The following SGCZ variants were observed in gnomAD, a reference collection of about 807,000 sequenced individuals.
SGCZ encodes the protein zeta-sarcoglycan.
SGCZ carries 40 observed loss-of-function variants against 41.3 expected under a neutral mutation model. That is an observed-to-expected ratio of 0.97 (90% CI 0.75 to 1.26). The LOEUF (loss-of-function observed/expected upper bound fraction) is 1.26. Among genes scored for constraint, SGCZ ranks in the 50% most tolerant of loss-of-function variants. SGCZ has a pLI of 0.00. For missense variants in SGCZ, 552 were observed against 369.8 expected (o/e 1.49, Z -4.04); for synonymous variants, 206 against 137.5 (o/e 1.50, Z -3.49).
intron 1 of SGCZ, among the ~76,000 whole-genome samples, chr8:15,112,559 AAAAGT>A (rs1807108746): frequency 6.6e-6 from 1 of 152,210 alleles, no homozygotes; most frequent in Non-Finnish European, 1.5e-5. Flanking sequence ...AAATAAGTGG[AAAAGT>A]AATGTGTCCG....
At position 14,574,468 on chromosome 8, in the gene SGCZ, A is replaced by G. The variant is rs1029347275; in HGVS notation, c.40-19542T>C. 3.3e-5 allele frequency among the ~76,000 whole-genome samples: 5 copies of G among 152,300 alleles called. No individual in the cohort carries two copies. In the East Asian group the frequency reaches 5.8e-4, roughly 18 times the overall value. On this transcript the variant is annotated intron_variant, in intron 1 of 7. Transcript: ENST00000382080. ...AAATAAATAAAGACCCTCATTCCAG[A>G]GGGATCCTGCCATGTACCAGGGAAG...
In SGCZ at chr8:14,562,570, A is replaced by G. The variant is rs184502400; in HGVS notation, c.40-7644T>C. Among the ~76,000 whole-genome samples, 270 of 152,292 alleles carry G rather than the reference A, an allele frequency of 1.8e-3. 1 individual carries two copies. Among genetic ancestry groups the G allele is most frequent in the African/African-American group, 6.3e-3 (260 of 41,572 alleles). On this transcript the variant is annotated intron_variant, in intron 1 of 7. Coordinates refer to ENST00000382080, the MANE Select transcript of SGCZ (RefSeq NM_139167.4). ...TAGAAAGAGAATATCTTTCAGAGCA[A>G]GTGACACCTGAGATGAGACTAAAAT... is the stretch of plus-strand genomic sequence containing the variant.
chr8:15,211,958 A>G (rs1801249385), intron 1 of SGCZ, among the ~76,000 whole-genome samples: 1 of 152,168 alleles, frequency 6.6e-6, no homozygotes, highest in African/African-American at 2.4e-5. Context: ...ATACTGAACA[A>G]AAGTCAGACT....
At chr8:14,202,199 C>T (rs757678363) in intron 4 of SGCZ, among the ~76,000 whole-genome samples, 20 of 152,106 alleles carry the variant, frequency 1.3e-4, no homozygotes, top group African/African-American at 4.3e-4. Flanking sequence ...AAATGCAAAA[C>T]GACTCATCCA....
chr8:14,327,555 T>C (rs1802166480), intron 2 of SGCZ, among the ~76,000 whole-genome samples: 1 of 152,160 alleles, frequency 6.6e-6, no homozygotes, highest in African/African-American at 2.4e-5. Flanking sequence ...ATTTCAATAT[T>C]AATACTAAAA....
intron 5 of SGCZ, among the ~76,000 whole-genome samples, chr8:14,120,151 CA>C (rs1397460199): frequency 1.3e-5 from 2 of 152,060 alleles, no homozygotes; most frequent in Non-Finnish European, 2.9e-5. Context: ...TGGAAACCAG[CA>C]ATAAAGAATT....
intron 5 of SGCZ, among the ~76,000 whole-genome samples, chr8:14,126,036 G>C (rs1802848669): frequency 6.6e-6 from 1 of 152,102 alleles, no homozygotes; most frequent in Non-Finnish European, 1.5e-5. Context: ...CTAGAAGAAA[G>C]GCTAGGCAAT....
chr8:14,410,175 T>C (rs959833191), intron 2 of SGCZ, among the ~76,000 whole-genome samples: 1 of 152,082 alleles, frequency 6.6e-6, no homozygotes, highest in Non-Finnish European at 1.5e-5. Context: ...ATCTAACAAA[T>C]TCCTGATGAT....
intron 1 of SGCZ, among the ~76,000 whole-genome samples, chr8:15,093,499 G>A (rs1001082776): frequency 7.2e-5 from 11 of 152,048 alleles, no homozygotes; most frequent in Non-Finnish European, 1.5e-4. Context: ...GCTTAGAAAA[G>A]GGTCTCATTG....
intron 1 of SGCZ, among the ~76,000 whole-genome samples, chr8:15,027,842 G>C (rs181449479): frequency 1.6e-3 from 244 of 152,174 alleles, no homozygotes; most frequent in Non-Finnish European, 2.4e-3. Context: ...TATATTTATA[G>C]TGTATATTTA....
At chr8:14,516,707 T>C (rs1416900643) in intron 2 of SGCZ, among the ~76,000 whole-genome samples, 2 of 152,088 alleles carry the variant, frequency 1.3e-5, no homozygotes, top group African/African-American at 4.8e-5. Flanking sequence ...GTTTTTCTTG[T>C]TCACCGTTGA....
chr8:14,969,147 C>T (rs1252330201), intron 1 of SGCZ, among the ~76,000 whole-genome samples: 1 of 152,076 alleles, frequency 6.6e-6, no homozygotes, highest in Non-Finnish European at 1.5e-5. Flanking sequence ...TGTCCTCTTT[C>T]AAATAAAAAC....
intron 1 of SGCZ, among the ~76,000 whole-genome samples, chr8:14,807,330 C>A (rs1435520874): frequency 3.7e-4 from 56 of 151,930 alleles, no homozygotes; most frequent in Admixed American, 3.7e-3. Flanking sequence ...TCTAGAAAAC[C>A]CCATTGTCTC....
At chr8:15,201,490 A>G (rs570446695) in intron 1 of SGCZ, among the ~76,000 whole-genome samples, 1 of 152,354 alleles carries the variant, frequency 6.6e-6, no homozygotes, top group South Asian at 2.1e-4. Flanking sequence ...CTCTTGGAGA[A>G]ATTTAAGTCA....
intron 2 of SGCZ, among the ~76,000 whole-genome samples, chr8:14,420,114 G>A (rs1394197564): frequency 6.6e-6 from 1 of 151,950 alleles, no homozygotes; most frequent in Non-Finnish European, 1.5e-5. Flanking sequence ...AATCCAGCCT[G>A]TTAAACTGCA....
chr8:14,342,606 C>T (rs77581754), intron 2 of SGCZ, among the ~76,000 whole-genome samples: 1,864 of 152,232 alleles, frequency 0.012, 35 homozygotes, highest in African/African-American at 0.038. Flanking sequence ...TGAGCCACCG[C>T]GCCCAGCCTG....
chr8:15,018,150 C>G (rs932452959), intron 1 of SGCZ, among the ~76,000 whole-genome samples: 34 of 152,170 alleles, frequency 2.2e-4, no homozygotes, highest in African/African-American at 8.0e-4. Flanking sequence ...ACATAAGCCA[C>G]CCCCCAGCAC....
At chr8:14,316,812 G>GACACACACAC (rs55956388) in intron 3 of SGCZ, among the ~76,000 whole-genome samples, 24 of 142,498 alleles carry the variant, frequency 1.7e-4, no homozygotes, top group African/African-American at 6.0e-4. Context: ...ATTTATTATA[G>GACACACACAC]ACACACACAC....
intron 2 of SGCZ, among the ~76,000 whole-genome samples, chr8:14,346,017 G>T (rs11987787): frequency 0.12 from 17,517 of 152,002 alleles, 1,335 homozygotes; most frequent in East Asian, 0.27. Context: ...ACATGTCATT[G>T]TATATTTGTC....
Sources: gnomAD v4.1 joint callset for allele counts (sites outside exome capture counted in the v4.1 genomes callset) on GRCh38, gnomAD v4.1.1 for gene constraint, MANE v1.5 for transcripts, NCBI Gene and HGNC (gene_info 2026-07-23, HGNC 2026-07-21) for gene names.